The following BCAS4 variants were observed in gnomAD, a reference collection of about 807,000 sequenced individuals.
The protein encoded by BCAS4 is breast carcinoma-amplified sequence 4.
A neutral mutation model predicts 15.7 loss-of-function variants in BCAS4; 9 were observed. The ratio of observed to expected loss-of-function variants is 0.57; its 90% confidence interval spans 0.34 to 1.00. The LOEUF (loss-of-function observed/expected upper bound fraction) is 1.00, where lower values mean the gene tolerates loss of function less well. Ranked by LOEUF, BCAS4 falls within the 50% of genes least tolerant of loss-of-function variation. The pLI is 0.02. For missense variants in BCAS4, 225 were observed against 239.1 expected (o/e 0.94, Z 0.39); for synonymous variants, 101 against 99.5 (o/e 1.02, Z -0.09).
At chr20:50,805,376 G>A (rs969883399) in intron 1 of BCAS4, among the ~76,000 whole-genome samples, 7 of 152,200 alleles carry the variant, frequency 4.6e-5, no homozygotes, top group Non-Finnish European at 5.9e-5. Flanking sequence ...CCCACAGACA[G>A]TTTTATTTGG....
intron 1 of BCAS4, among the ~76,000 whole-genome samples, chr20:50,812,362 T>C (rs1464853583): frequency 6.6e-6 from 1 of 150,418 alleles, no homozygotes; most frequent in African/African-American, 2.5e-5. Flanking sequence ...CTCGATCTCC[T>C]GACGTTGTGA....
intron 4 of BCAS4, among the ~76,000 whole-genome samples, chr20:50,855,855 G>T (rs1430385439): frequency 6.6e-6 from 1 of 152,244 alleles, no homozygotes; most frequent in Non-Finnish European, 1.5e-5. Context: ...CCCCGCCTGG[G>T]CTTAGGGTCT....
At chr20:50,812,345 G>T (rs957574211) in intron 1 of BCAS4, among the ~76,000 whole-genome samples, 3 of 151,546 alleles carry the variant, frequency 2.0e-5, no homozygotes, top group Non-Finnish European at 4.4e-5. Context: ...GTGTTAGCCA[G>T]GATGGTCTCG....
intron 2 of BCAS4, among the ~76,000 whole-genome samples, chr20:50,823,677 C>T (rs989172335): frequency 6.6e-6 from 1 of 152,026 alleles, no homozygotes; most frequent in Non-Finnish European, 1.5e-5. Context: ...AATAATAATA[C>T]ATTTAAAAAG....
intron 4 of BCAS4, among the ~76,000 whole-genome samples, chr20:50,867,379 T>C (rs1979412041): frequency 6.6e-6 from 1 of 152,160 alleles, no homozygotes; most frequent in Non-Finnish European, 1.5e-5. Context: ...GAGGGTCTCG[T>C]TCTGTTGCCC....
At chr20:50,817,599 C>G (rs1244773471) in intron 1 of BCAS4, among the ~76,000 whole-genome samples, 3 of 152,092 alleles carry the variant, frequency 2.0e-5, no homozygotes, top group African/African-American at 7.2e-5. Context: ...GTAGCTGTGA[C>G]TACAGGCACA....
At chr20:50,796,480 TATA>T (rs1456499520) in intron 1 of BCAS4, among the ~76,000 whole-genome samples, 432 of 14,478 alleles carry the variant, frequency 0.03, 5 homozygotes, top group African/African-American at 0.037. Flanking sequence ...TATATATATA[TATA>T]TATATTTTTT....
chr20:50,855,033 T>TG (rs1476388731), intron 4 of BCAS4, among the ~76,000 whole-genome samples: 1 of 152,194 alleles, frequency 6.6e-6, no homozygotes, highest in East Asian at 1.9e-4. Flanking sequence ...CAAGCCATGC[T>TG]GGGTCATGAG....
chr20:50,816,316 A>G (rs2088136861), intron 1 of BCAS4, among the ~76,000 whole-genome samples: 1 of 152,200 alleles, frequency 6.6e-6, no homozygotes, highest in Non-Finnish European at 1.5e-5. Context: ...GTGAGCCACT[A>G]CGCCTGGCCA....
chr20:50,800,459 G>A (rs1015014554), intron 1 of BCAS4, among the ~76,000 whole-genome samples: 1 of 152,008 alleles, frequency 6.6e-6, no homozygotes. Context: ...GCTGAGGGGC[G>A]GTGCCTTGAG....
intron 2 of BCAS4, among the ~76,000 whole-genome samples, chr20:50,825,799 C>T (rs1205520870): frequency 6.6e-6 from 1 of 152,088 alleles, no homozygotes; most frequent in African/African-American, 2.4e-5. Context: ...ATCACTTGAA[C>T]CTAGGAGGCA....
At chr20:50,801,473 G>T (rs1250187581) in intron 1 of BCAS4, among the ~76,000 whole-genome samples, 1 of 152,134 alleles carries the variant, frequency 6.6e-6, no homozygotes, top group Non-Finnish European at 1.5e-5. Flanking sequence ...CCAGGGTATG[G>T]TCTACTGTCT....
chr20:50,880,922 T>C (rs1250333414), downstream of BCAS4: 1 of 152,140 alleles, frequency 6.6e-6, no homozygotes, highest in African/African-American at 2.4e-5. Flanking sequence ...GTAAATCGAT[T>C]AGGAGCTTAA....
At chr20:50,842,662 C>T (rs2088499657) in intron 4 of BCAS4, among the ~76,000 whole-genome samples, 1 of 152,238 alleles carries the variant, frequency 6.6e-6, no homozygotes, top group Non-Finnish European at 1.5e-5. Context: ...AGGTGATCCA[C>T]CTGCCTTGGC....
At chr20:50,804,340 C>T (rs1205159866) in intron 1 of BCAS4, among the ~76,000 whole-genome samples, 1 of 152,122 alleles carries the variant, frequency 6.6e-6, no homozygotes, top group Non-Finnish European at 1.5e-5. Context: ...CACCCGGCCT[C>T]ATGCTTTTTT....
intron 1 of BCAS4, among the ~76,000 whole-genome samples, chr20:50,807,166 C>T (rs2088001244): frequency 6.6e-6 from 1 of 151,038 alleles, no homozygotes; most frequent in Non-Finnish European, 1.5e-5. Flanking sequence ...GCCACCACAC[C>T]CAGCCCAATT....
At chr20:50,853,139 A>ATTTTTTTTTTTTTT (rs35651267) in intron 4 of BCAS4, among the ~76,000 whole-genome samples, 1 of 106,906 alleles carries the variant, frequency 9.4e-6, no homozygotes, top group Non-Finnish European at 1.9e-5. Context: ...ATCCCCTTTC[A>ATTTTTTTTTTTTTT]TTTTTTTTTT....
chr20:50,825,889 C>A (rs544357813), intron 2 of BCAS4, among the ~76,000 whole-genome samples: 1 of 151,900 alleles, frequency 6.6e-6, no homozygotes, highest in African/African-American at 2.4e-5. Context: ...AAAACAAGAA[C>A]AAAAACAAAA....
At chr20:50,872,812 A>G (rs1979724250) in intron 4 of BCAS4, among the ~76,000 whole-genome samples, 1 of 152,170 alleles carries the variant, frequency 6.6e-6, no homozygotes, top group Non-Finnish European at 1.5e-5. Flanking sequence ...GTGTCCTCCA[A>G]GGTGTCAGGC....
Sources: allele counts gnomAD v4.1 joint callset (sites outside exome capture counted in the v4.1 genomes callset), GRCh38; gene constraint gnomAD v4.1.1; transcripts MANE v1.5; gene names NCBI Gene and HGNC (gene_info 2026-07-23, HGNC 2026-07-21).